Variants in HMCN2 observed in about 807,000 individuals in gnomAD.
HMCN2 encodes hemicentin 2.
HMCN2 carries 325 observed loss-of-function variants against 377.5 expected under a neutral mutation model. The observed-to-expected ratio is 0.86, with a 90% CI of 0.79 to 0.94. The LOEUF (loss-of-function observed/expected upper bound fraction) is 0.94, where lower values mean the gene tolerates loss of function less well. Among genes scored for constraint, HMCN2 ranks in the 40% least tolerant of loss-of-function variants. The probability of loss-of-function intolerance (pLI) is 0.00; values close to 1 mark genes in which losing one functional copy is unlikely to be tolerated. For synonymous variants in HMCN2, 2,007 were observed against 2,046.8 expected (o/e 0.98, Z 0.53); for missense variants, 4,543 against 4,725.3 (o/e 0.96, Z 1.13).
At chr9:130,307,197 G>A (rs1444529643) in intron 13 of HMCN2, among the ~76,000 whole-genome samples, 1 of 152,104 alleles carries the variant, frequency 6.6e-6, no homozygotes, top group Admixed American at 6.5e-5. Context: ...TGCTGGGGGC[G>A]AGGGAGAAGC....
rs745978345 is a variant in HMCN2, at chr9:130,349,168, T to G, written c.4303+37T>G. 5 of 1,293,466 alleles carry G rather than the reference T, an allele frequency of 3.9e-6. No homozygotes were observed. In the South Asian group the frequency reaches 6.2e-5, roughly 16 times the overall value. 80.1% of individuals were successfully genotyped at this position (1,293,466 alleles called of 1,614,324 possible). ...CTGAGCCCTGTAACTCCCAAGTGTG[T>G]CTGGCCCTGTAGCCCCAACTCTTGC... On this transcript the variant is annotated intron_variant, in intron 28 of 97. Transcript: ENST00000683500.
chr9:130,307,459 C>T lies in HMCN2; in HGVS notation c.2093C>T (p.Pro698Leu), dbSNP rs782308513. ...ETVTLYYTDP[P>L]SVSAVNAVVL... is the part of the protein sequence containing the mutation. ...GCATCTCTTCCCCACACAGACCCAC[C>T]GTCGGTCTCTGCTGTAAATGCCGTG... The change falls in exon 14 of 98, where the codon CCG becomes CTG. Residue 698 changes from proline to leucine, a missense_variant. By Grantham distance (98) the Pro-to-Leu change is moderately conservative. Coordinates refer to ENST00000683500, the MANE Select transcript of HMCN2 (RefSeq NM_001291815.2). The T allele has an allele frequency of 6.4e-6, 3 of 471,026 alleles. No homozygotes were observed. Among genetic ancestry groups the T allele is most frequent in the Middle Eastern group, 3.4e-4 (1 of 2,984 alleles). 29.2% of individuals were successfully genotyped at this position (471,026 alleles called of 1,614,324 possible). A position where few individuals can be genotyped will look rare whatever the true frequency, so the allele number is the denominator to read the frequency against.
chr9:130,340,068 A>G (rs1393965931), intron 23 of HMCN2, among the ~76,000 whole-genome samples: 2 of 152,196 alleles, frequency 1.3e-5, no homozygotes, highest in Non-Finnish European at 2.9e-5. Flanking sequence ...AAGTCATATA[A>G]CCTTTCTGAG....
chr9:130,379,269 G>A lies in HMCN2; in HGVS notation c.8233G>A (p.Val2745Met), dbSNP rs924961971. 12 of 985,666 alleles carry A rather than the reference G, an allele frequency of 1.2e-5. No individual in the cohort carries two copies. In the African/African-American group the frequency reaches 2.1e-4, roughly 17 times the overall value. 61.1% of individuals were successfully genotyped at this position (985,666 alleles called of 1,614,324 possible). ...LIQVPPMFQK[V>M]GDFSAAFEIL... Reference sequence around the variant, plus strand: ...CCCAGTGCCCCCCATGTTCCAGAAGGTGGGTGATTTCAGTGCAGCCTTCGA... The same window carrying A: ...CCCAGTGCCCCCCATGTTCCAGAAGATGGGTGATTTCAGTGCAGCCTTCGA... The change falls in exon 54 of 98, where the codon GTG (valine) becomes ATG (methionine). Residue 2745 changes from valine to methionine, a missense_variant. Physicochemically the swap from Val to Met is conservative, Grantham distance 21 (BLOSUM62 1). This residue lies in a region of HMCN2 where 736 missense variants were observed against 773.2 expected (regional missense o/e 0.95). Transcript: ENST00000683500.
intron 25 of HMCN2, among the ~76,000 whole-genome samples, chr9:130,342,724 CT>C (rs1324054978): frequency 1.3e-5 from 2 of 152,134 alleles, no homozygotes; most frequent in Non-Finnish European, 2.9e-5. Context: ...CCCTGCCCCC[CT>C]GTGCCCATCA....
At chr9:130,312,852 G>C (rs1158181742) in intron 15 of HMCN2, among the ~76,000 whole-genome samples, 1 of 151,754 alleles carries the variant, frequency 6.6e-6, no homozygotes, top group Non-Finnish European at 1.5e-5. Flanking sequence ...TTTTAGTAGA[G>C]ATGGGGTTTC....
chr9:130,341,850 G>A (rs1276854934), intron 24 of HMCN2, among the ~76,000 whole-genome samples: 1 of 151,994 alleles, frequency 6.6e-6, no homozygotes, highest in African/African-American at 2.4e-5. Flanking sequence ...TTCTGGATCA[G>A]TGGTGCTAGC....
At position 130,349,002 on chromosome 9, in the gene HMCN2, C is replaced by T. The variant is rs1270499551; in HGVS notation, c.4174C>T (p.His1392Tyr). ...DAQLIPKVGG[H>Y]RLLDEGQSLH... ...TACCCAGATTCCTAAGGTGGGCGGCCACCGCCTCCTGGACGAGGGCCAGTC... is the reference window on the plus strand; with the variant it reads ...TACCCAGATTCCTAAGGTGGGCGGCTACCGCCTCCTGGACGAGGGCCAGTC... The change falls in exon 28 of 98, where the codon CAC (histidine) becomes TAC (tyrosine). Residue 1392 changes from histidine to tyrosine, a missense_variant. By Grantham distance (83) the His-to-Tyr change is moderately conservative. This residue lies in a region of HMCN2 where 1,032 missense variants were observed against 1,285.1 expected (regional missense o/e 0.80). Coordinates refer to ENST00000683500, the MANE Select transcript of HMCN2 (RefSeq NM_001291815.2). 7.7e-7 allele frequency: 1 copy of T among 1,304,118 alleles called. No homozygotes were observed. The highest frequency in any genetic ancestry group is 2.3e-5 in the Admixed American group (1 of 43,562). The allele number at this position is 1,304,118 out of a possible 1,614,324, so 80.8% of individuals were successfully genotyped here.
In HMCN2 at chr9:130,323,146, C is replaced by T. The variant is rs1054090841; in HGVS notation, c.2920+1215C>T. Among the ~76,000 whole-genome samples the T allele has an allele frequency of 1.4e-4, 21 of 152,296 alleles. No homozygotes were observed. The East Asian group carries it at 1.5e-3, about 11-fold the overall frequency. ...TAACTTCCCACTGTGCCCTCACAGC[C>T]GCTTCTGTGGGGCTAACATGAACAG... On this transcript the variant is annotated intron_variant, in intron 19 of 97. Transcript: ENST00000683500.
In HMCN2 at chr9:130,425,878, AG is replaced by A; in HGVS notation, c.13834del (p.Glu4612ArgfsTer96). On this transcript the variant is annotated frameshift_variant, in exon 90 of 98. Transcript: ENST00000683500. LOFTEE classifies it high-confidence loss of function. ...CAGCTATCAGCTCGGCCTTTGATCC[AG>A]AGGCCGAGGCCCTGCGCTTCCAGCT... The part of the protein sequence containing the change: ...ASAISSAFDP[E>X]AEALRFQLAT... 6.5e-7 allele frequency: 1 copy of A among 1,550,134 alleles called. No individual in the cohort carries two copies. The highest frequency in any genetic ancestry group is 8.7e-7 in the Non-Finnish European group (1 of 1,146,936).
chr9:130,302,197 G>A lies in HMCN2; in HGVS notation c.1277-660G>A, dbSNP rs145742689. 5.9e-3 allele frequency among the ~76,000 whole-genome samples: 896 copies of A among 152,154 alleles called. 6 individuals are homozygous for A. Among genetic ancestry groups the A allele is most frequent in the African/African-American group, 0.021 (865 of 41,502 alleles). ...TGAGTAGCTGGGATTACAGGAACGCGACACCACGCCCAGCTAAGTTTTGTA... is the reference window on the plus strand; with the variant it reads ...TGAGTAGCTGGGATTACAGGAACGCAACACCACGCCCAGCTAAGTTTTGTA... On this transcript the variant is annotated intron_variant, in intron 8 of 97. Transcript: ENST00000683500.
rs1842514793 is a variant in HMCN2 at position 130,394,707 on chromosome 9, G to A, written c.10692+132G>A. 3 of 736,940 alleles carry A rather than the reference G, an allele frequency of 4.1e-6. No individual in the cohort carries two copies. The African/African-American group carries it at 5.6e-5, about 14-fold the overall frequency. 45.7% of individuals were successfully genotyped at this position (736,940 alleles called of 1,614,324 possible). On this transcript the variant is annotated intron_variant, in intron 69 of 97. Coordinates refer to ENST00000683500, the MANE Select transcript of HMCN2 (RefSeq NM_001291815.2). The surrounding 1 kb of genome is among the most constrained non-coding windows in gnomAD (Gnocchi z 5.1). Reference sequence around the variant, plus strand: ...TCCTCTGTGTGGGGTGTGAGGGTGTGGAGGTGACCCACCTTGGCCGTGCCC... The same window carrying A: ...TCCTCTGTGTGGGGTGTGAGGGTGTAGAGGTGACCCACCTTGGCCGTGCCC...
rs1293660009 is a variant in HMCN2, at chr9:130,396,260, A to T, written c.11145A>T (p.Ala3715=). The T allele has an allele frequency of 1.6e-6, 2 of 1,285,830 alleles. No individual in the cohort carries two copies. The highest frequency in any genetic ancestry group is 2.3e-5 in the Admixed American group (1 of 43,492). The allele number at this position is 1,285,830 out of a possible 1,614,324, so 79.7% of individuals were successfully genotyped here. Residue 3715 remains alanine (A), a synonymous_variant, in exon 73 of 98, where the codon GCA becomes GCT. Transcript: ENST00000683500. ...CTTGCCAGGCCGACGGCGTGCCCGC[A>T]CCCCTCGTGAGCTGGCGGAAGGACA... is the stretch of plus-strand genomic sequence containing the variant. ...LLPCQADGVP[A]PLVSWRKDRV...
rs373226696 is a variant in HMCN2 at position 130,350,378 on chromosome 9, C to G, written c.4430+715C>G. On this transcript the variant is annotated intron_variant, in intron 29 of 97. Coordinates refer to ENST00000683500, the MANE Select transcript of HMCN2 (RefSeq NM_001291815.2). ...CGAGACCCTGTCTCTGCTAAAAATA[C>G]AAAAAAATACAAAAAAAAAAAAAAA... 6.5e-3 allele frequency among the ~76,000 whole-genome samples: 489 copies of G among 74,740 alleles called. 11 individuals are homozygous for G. The highest frequency in any genetic ancestry group is 0.023 in the African/African-American group (461 of 20,064). 49.0% of individuals were successfully genotyped at this position (74,740 alleles called of 152,430 possible).
In HMCN2 at chr9:130,428,560, G is replaced by A. The variant is rs997728729; in HGVS notation, c.14197+71G>A. ...AGAGGTTGCCAGGGATCAGCTGACAGGGGGCTGTGTGTCACTGGGCTCTGG... is the reference window on the plus strand; with the variant it reads ...AGAGGTTGCCAGGGATCAGCTGACAAGGGGCTGTGTGTCACTGGGCTCTGG... On this transcript the variant is annotated intron_variant, in intron 93 of 97. Coordinates refer to ENST00000683500, the MANE Select transcript of HMCN2 (RefSeq NM_001291815.2). The surrounding 1 kb of genome is among the most constrained non-coding windows in gnomAD (Gnocchi z 5.0). 1.1e-5 allele frequency: 17 copies of A among 1,514,858 alleles called. No individual in the cohort carries two copies. In the Admixed American group the frequency reaches 2.0e-4, roughly 18 times the overall value. The allele number at this position is 1,514,858 out of a possible 1,614,324, so 93.8% of individuals were successfully genotyped here. A position where few individuals can be genotyped will look rare whatever the true frequency, so the allele number is the denominator to read the frequency against.
In HMCN2 at chr9:130,359,414, G is replaced by T; in HGVS notation, c.5773G>T (p.Asp1925Tyr). The T allele has an allele frequency of 7.7e-7, 1 of 1,297,196 alleles. No individual in the cohort carries two copies. The highest frequency in any genetic ancestry group is 1.2e-5 in the South Asian group (1 of 80,748). 80.4% of individuals were successfully genotyped at this position (1,297,196 alleles called of 1,614,324 possible). Residue 1925 changes from aspartate to tyrosine, a missense_variant and splice_region_variant, in exon 37 of 98, where the codon GAT becomes TAT. By Grantham distance (160) the Asp-to-Tyr change is radical. Transcript: ENST00000683500. ...ECLASGVPPP[D>Y]VSWFKGHQPV... is the part of the protein sequence containing the mutation. The stretch of plus-strand genomic sequence containing the variant: ...TCTGGCTTCGGGCGTGCCCCCTCCT[G>T]GTAAGACCCCTCCTCTTGGCTGAAA...
At chr9:130,291,406 C>T (rs1835757179) in intron 4 of HMCN2, among the ~76,000 whole-genome samples, 1 of 152,186 alleles carries the variant, frequency 6.6e-6, no homozygotes, top group African/African-American at 2.4e-5. Context: ...GATGGAGTTT[C>T]ACTGTGTTGG....
At chr9:130,385,449 C>A in intron 59 of HMCN2, 111 bp from the exon 60 acceptor site, 1 of 655,276 alleles carries the variant, frequency 1.5e-6, no homozygotes, top group South Asian at 1.7e-5. Flanking sequence ...GCCCCCGGGG[C>A]TGGGTCTGCT....
rs1352053371 is a variant in HMCN2, at chr9:130,379,439, G to A, written c.8403G>A (p.Ser2801=). The A allele has an allele frequency of 6.1e-6, 6 of 985,828 alleles. No individual in the cohort carries two copies. Among genetic ancestry groups the A allele is most frequent in the South Asian group, 9.4e-5 (2 of 21,280 alleles). 61.1% of individuals were successfully genotyped at this position (985,828 alleles called of 1,614,324 possible). A position where few individuals can be genotyped will look rare whatever the true frequency, so the allele number is the denominator to read the frequency against. ...LTWYREDQPL[S]AGDEVSVLQG... is the part of the protein sequence containing the mutation. ...GGTACAGAGAGGATCAGCCCCTCTC[G>A]GCCGGGGATGAGGTGTCTGTGCTGC... The change falls in exon 54 of 98, where the codon TCG becomes TCA. Residue 2801 remains serine, a synonymous_variant. Transcript: ENST00000683500.
Sources: gnomAD v4.1 joint callset for allele counts (sites outside exome capture counted in the v4.1 genomes callset) on GRCh38, gnomAD v4.1.1 for gene constraint, gnomAD v4.1.1 regional missense constraint, Gnocchi (gnomAD v3.1) non-coding constraint, MANE v1.5 for transcripts, NCBI Gene and HGNC (gene_info 2026-07-23, HGNC 2026-07-21) for gene names.